Variants in BNIP3L observed in about 807,000 individuals in gnomAD.
BNIP3L encodes the protein BCL2 interacting protein 3 like, also known as BCL2/adenovirus E1B 19 kDa protein-interacting protein 3-like.
Under a neutral mutation model 25.5 loss-of-function variants are expected in BNIP3L, and 10 were observed. The observed-to-expected ratio is 0.39, with a 90% confidence interval of 0.24 to 0.67. BNIP3L has a LOEUF of 0.67. Ranked by LOEUF, BNIP3L falls within the 30% of genes least tolerant of loss-of-function variation. The probability of loss-of-function intolerance (pLI) is 0.45; values close to 1 mark genes in which losing one functional copy is unlikely to be tolerated. For synonymous variants in BNIP3L, 113 were observed against 101.2 expected, an observed-to-expected ratio of 1.12 and a Z score of -0.70; for missense variants, 215 against 270.9, an observed-to-expected ratio of 0.79 and a Z score of 1.45.
At position 26,394,728 on chromosome 8, in the gene BNIP3L, A is replaced by G. The variant is rs189041142; in HGVS notation, c.285-502A>G. ...GAAAATTCCACTATACACATGGGAGAATGAGAATGAAAAAGGCAAATAAAT... is the reference window on the plus strand; with the variant it reads ...GAAAATTCCACTATACACATGGGAGGATGAGAATGAAAAAGGCAAATAAAT... On this transcript the variant is annotated intron_variant, in intron 2 of 5. Coordinates refer to ENST00000380629, the MANE Select transcript of BNIP3L (RefSeq NM_004331.3). Among the ~76,000 whole-genome samples the G allele has an allele frequency of 1.8e-3, 272 of 152,312 alleles. 1 individual carries two copies. Among genetic ancestry groups the G allele is most frequent in the African/African-American group, 6.2e-3 (256 of 41,576 alleles).
At chr8:26,391,828 G>A (rs553292863) in intron 2 of BNIP3L, among the ~76,000 whole-genome samples, 11 of 152,226 alleles carry the variant, frequency 7.2e-5, no homozygotes, top group Admixed American at 3.9e-4. Flanking sequence ...AGATGTTGAC[G>A]TTGCAAAGGG....
chr8:26,386,894 A>T (rs1208704083), intron 1 of BNIP3L, among the ~76,000 whole-genome samples: 3 of 151,694 alleles, frequency 2.0e-5, no homozygotes, highest in Admixed American at 6.6e-5. Flanking sequence ...TTATTTATTT[A>T]TTTTTTTATT....
chr8:26,407,652 A>G (rs897559768), intron 3 of BNIP3L, among the ~76,000 whole-genome samples: 2 of 152,190 alleles, frequency 1.3e-5, no homozygotes, highest in African/African-American at 2.4e-5. Flanking sequence ...TTAAGTGCAT[A>G]CAAGAGAGAA....
chr8:26,383,407 C>G, intron 1 of BNIP3L, 177 bp downstream of exon 1: 1 of 1,434,386 alleles, frequency 7.0e-7, no homozygotes, highest in Non-Finnish European at 9.1e-7. Context: ...CTGCCTTGCT[C>G]CGGGCCTCTC....
chr8:26,402,011 G>T (rs1806395706), intron 3 of BNIP3L, among the ~76,000 whole-genome samples: 2 of 152,116 alleles, frequency 1.3e-5, no homozygotes, highest in Admixed American at 1.3e-4. Context: ...AATGTTTAAT[G>T]AACCTTTGAA....
chr8:26,388,987 A>G (rs1207872084), intron 1 of BNIP3L, among the ~76,000 whole-genome samples: 1 of 152,184 alleles, frequency 6.6e-6, no homozygotes, highest in African/African-American at 2.4e-5. Context: ...AGACTGTCTC[A>G]AAAGAAAAAC....
In BNIP3L at chr8:26,391,305, G is replaced by C; in HGVS notation, c.163G>C (p.Gly55Arg). The C allele has an allele frequency of 6.2e-7, 1 of 1,612,238 alleles. No individual in the cohort carries two copies. The highest frequency in any genetic ancestry group is 2.2e-5 in the East Asian group (1 of 44,746). ...CAATGATAATGGCAATGGGAAAAATGGGGGGCTGGAACACGTACCATCCTC... is the reference window on the plus strand; with the variant it reads ...CAATGATAATGGCAATGGGAAAAATCGGGGGCTGGAACACGTACCATCCTC... ...NGNDNGNGKN[G>R]GLEHVPSSSS... is the part of the protein sequence containing the mutation. Residue 55 changes from glycine (G) to arginine (R), a missense_variant, in exon 2 of 6, where the codon GGG (glycine) becomes CGG (arginine). Coordinates refer to ENST00000380629, the MANE Select transcript of BNIP3L (RefSeq NM_004331.3).
chr8:26,387,517 G>A (rs568815642), intron 1 of BNIP3L, among the ~76,000 whole-genome samples: 2 of 152,280 alleles, frequency 1.3e-5, no homozygotes, highest in African/African-American at 2.4e-5. Flanking sequence ...AGTAAAAAGG[G>A]ACTTTGTGAG....
chr8:26,396,042 G>C (rs1174753076), intron 3 of BNIP3L: 18 of 151,932 alleles, frequency 1.2e-4, no homozygotes, highest in Non-Finnish European at 2.2e-4. Context: ...CAGCGAGGCT[G>C]GGGGAGGGGC....
At chr8:26,385,950 A>C (rs1805983243) in intron 1 of BNIP3L, among the ~76,000 whole-genome samples, 1 of 152,198 alleles carries the variant, frequency 6.6e-6, no homozygotes, top group African/African-American at 2.4e-5. Flanking sequence ...GAATTCCTTG[A>C]AGTGATTTTT....
chr8:26,408,156 A>G, intron 4 of BNIP3L, 53 bp downstream of exon 4: 4 of 1,611,244 alleles, frequency 2.5e-6, no homozygotes, highest in Non-Finnish European at 3.4e-6. Context: ...GCGCACGCTT[A>G]CAGGCAATGG....
intron 3 of BNIP3L, among the ~76,000 whole-genome samples, chr8:26,404,774 C>G (rs1160317941): frequency 6.6e-6 from 1 of 152,204 alleles, no homozygotes; most frequent in Non-Finnish European, 1.5e-5. Flanking sequence ...TCCCTAAGTG[C>G]TGGGATTACA....
chr8:26,394,678 G>A (rs184060921), intron 2 of BNIP3L, among the ~76,000 whole-genome samples: 1 of 152,254 alleles, frequency 6.6e-6, no homozygotes, highest in Non-Finnish European at 1.5e-5. Context: ...TAACTGTTGT[G>A]CTATCACACA....
rs761747030 is a variant in BNIP3L, at chr8:26,412,824, C to G, written c.*2412C>G. 6.6e-6 allele frequency: 1 copy of G among 152,548 alleles called. No homozygotes were observed. The highest frequency in any genetic ancestry group is 1.5e-5 in the Non-Finnish European group (1 of 68,026). 9.4% of individuals were successfully genotyped at this position (152,548 alleles called of 1,614,324 possible). On this transcript the variant is annotated 3_prime_UTR_variant, in exon 6 of 6. Coordinates refer to ENST00000380629, the MANE Select transcript of BNIP3L (RefSeq NM_004331.3). ...TTCATATGTTTGATGAAAACTGGCT[C>G]AAGATGTTTGTAAATAGAATCAAGA... is the stretch of plus-strand genomic sequence containing the variant.
rs1411956580 is a variant in BNIP3L, at chr8:26,395,290, C to A, written c.345C>A (p.Asp115Glu). The A allele has an allele frequency of 6.2e-7, 1 of 1,613,722 alleles. No homozygotes were observed. Among genetic ancestry groups the A allele is most frequent in the Non-Finnish European group, 8.5e-7 (1 of 1,179,900 alleles). Residue 115 changes from aspartate (D) to glutamate (E), a missense_variant, in exon 3 of 6, where the codon GAC (aspartate) becomes GAA (glutamate). Physicochemically the swap from Asp to Glu is conservative, Grantham distance 45. Around this residue, in one of 4 missense-constraint regions of BNIP3L, gnomAD observed 47 missense variants for 43.3 expected, o/e 1.09. Transcript: ENST00000380629. Reference sequence around the variant, plus strand: ...ATGTGGAAATGCACACCAGCAGGGACCATAGCTCTCAGGTGTGTCGGGGGG... The same window carrying A: ...ATGTGGAAATGCACACCAGCAGGGAACATAGCTCTCAGGTGTGTCGGGGGG... ...MFDVEMHTSR[D>E]HSSQSEEEVV...
At chr8:26,386,490 A>T (rs1379783226) in intron 1 of BNIP3L, among the ~76,000 whole-genome samples, 1 of 151,872 alleles carries the variant, frequency 6.6e-6, no homozygotes, top group Non-Finnish European at 1.5e-5. Flanking sequence ...ACTGGAGTGC[A>T]GTGGTACAGT....
intron 1 of BNIP3L, among the ~76,000 whole-genome samples, chr8:26,387,936 T>C (rs1563337396): frequency 6.6e-6 from 1 of 152,188 alleles, no homozygotes; most frequent in Non-Finnish European, 1.5e-5. Context: ...TGAGATGCAA[T>C]GCAGTTGTTC....
At chr8:26,404,471 A>G (rs1228383924) in intron 3 of BNIP3L, among the ~76,000 whole-genome samples, 1 of 152,190 alleles carries the variant, frequency 6.6e-6, no homozygotes, top group African/African-American at 2.4e-5. Flanking sequence ...TGATCAGAAA[A>G]CAAAGAACTC....
intron 3 of BNIP3L, 128 bp from the exon 4 acceptor site, chr8:26,407,872 C>A: frequency 1.3e-6 from 1 of 769,312 alleles, no homozygotes; most frequent in Non-Finnish European, 2.1e-6. Context: ...AGAAAAGCAA[C>A]ATGTTTGTTA....
Sources: gnomAD v4.1 joint callset for allele counts (sites outside exome capture counted in the v4.1 genomes callset) on GRCh38, gnomAD v4.1.1 for gene constraint, gnomAD v4.1.1 regional missense constraint, MANE v1.5 for transcripts, NCBI Gene and HGNC (gene_info 2026-07-23, HGNC 2026-07-21) for gene names.